The following CCDC7 variants were observed in gnomAD, a reference collection of about 807,000 sequenced individuals.
CCDC7 encodes coiled-coil domain-containing protein 7.
A neutral mutation model predicts 196.9 loss-of-function variants in CCDC7; 183 were observed. The observed-to-expected ratio is 0.93, with a 90% CI of 0.82 to 1.05. CCDC7 has a LOEUF of 1.05. Ranked by LOEUF, CCDC7 falls within the 50% of genes least tolerant of loss-of-function variation. The pLI, the probability that CCDC7 is intolerant of heterozygous loss-of-function variation, is 0.00. For missense variants in CCDC7, 1,540 were observed against 1,482.2 expected (o/e 1.04, Z -0.64); for synonymous variants, 525 against 484.6 (o/e 1.08, Z -1.10).
intron 31 of CCDC7, among the ~76,000 whole-genome samples, chr10:32,815,722 AAG>A (rs1435241431): frequency 6.6e-6 from 1 of 152,252 alleles, no homozygotes; most frequent in African/African-American, 2.4e-5. Context: ...TTGAAAAAGA[AAG>A]AGAAAATGTA....
intron 24 of CCDC7, among the ~76,000 whole-genome samples, chr10:32,699,068 TTTTAC>T (rs2078198863): frequency 6.6e-6 from 1 of 151,544 alleles, no homozygotes; most frequent in East Asian, 2.0e-4. Flanking sequence ...TTTTTTTTTA[TTTTAC>T]TTTAAGTTTT....
chr10:32,453,433 A>C (rs199747692), exon 2 of CCDC7: 1 of 1,526,334 alleles, frequency 6.6e-7, no homozygotes, highest in East Asian at 2.4e-5. Context: ...AATTATCTTT[A>C]TCTGTAAGTA....
chr10:32,711,541 C>T (rs370201350), intron 24 of CCDC7, 79 bp from the exon 26 acceptor site: 1 of 820,300 alleles, frequency 1.2e-6, no homozygotes, highest in Non-Finnish European at 1.9e-6. Flanking sequence ...GTTGCTTCCA[C>T]TTGTTATAAA....
intron 9 of CCDC7, among the ~76,000 whole-genome samples, chr10:32,499,591 CT>C (rs761980746): frequency 7.5e-6 from 1 of 132,950 alleles, no homozygotes; most frequent in African/African-American, 2.6e-5. Flanking sequence ...TTGAATCTTT[CT>C]TTTTTATTTT....
At chr10:32,733,587 AAT>A (rs1424287335) in intron 28 of CCDC7, among the ~76,000 whole-genome samples, 7 of 152,120 alleles carry the variant, frequency 4.6e-5, no homozygotes, top group Non-Finnish European at 1.0e-4. Context: ...CTGTTTAGTC[AAT>A]ATGTCTTTTG....
upstream of CCDC7, among the ~76,000 whole-genome samples, chr10:32,448,677 A>T (rs937448710): frequency 1.3e-5 from 2 of 152,070 alleles, no homozygotes; most frequent in Non-Finnish European, 2.9e-5. Context: ...AAATAAAAAA[A>T]ATCCTATTAT....
chr10:32,756,406 C>T (rs1341906925), intron 28 of CCDC7, among the ~76,000 whole-genome samples: 1 of 152,254 alleles, frequency 6.6e-6, no homozygotes, highest in Non-Finnish European at 1.5e-5. Context: ...AACAGCGGAT[C>T]TCTCCGCAGA....
intron 25 of CCDC7, 74 bp downstream of exon 26, chr10:32,711,804 C>T (rs1223261058): frequency 9.4e-6 from 7 of 746,422 alleles, no homozygotes; most frequent in Non-Finnish European, 1.4e-5. Flanking sequence ...TTGGTTCATA[C>T]TTACGTATTT....
chr10:32,666,916 G>T (rs940486253), intron 21 of CCDC7, among the ~76,000 whole-genome samples: 1 of 152,066 alleles, frequency 6.6e-6, no homozygotes, highest in African/African-American at 2.4e-5. Context: ...GGGTCAAATG[G>T]TATTTCTAGT....
intron 15 of CCDC7, among the ~76,000 whole-genome samples, chr10:32,569,844 A>G (rs566104223): frequency 1.5e-4 from 23 of 152,284 alleles, no homozygotes; most frequent in African/African-American, 5.3e-4. Context: ...TATAGTCTAT[A>G]GTTTGAGAAA....
chr10:32,852,078 A>T, intron 40 of CCDC7, 146 bp downstream of exon 41: 1 of 754,138 alleles, frequency 1.3e-6, no homozygotes, highest in Non-Finnish European at 2.0e-6. Flanking sequence ...TGCACCTAAC[A>T]TTTGTTCATT....
chr10:32,645,907 A>T (rs2067683954), intron 20 of CCDC7, among the ~76,000 whole-genome samples: 2 of 151,742 alleles, frequency 1.3e-5, no homozygotes, highest in South Asian at 4.2e-4. Context: ...CTCTTGTTTT[A>T]GTTATTTGAA....
At chr10:32,739,654 G>GC (rs560150508) in intron 28 of CCDC7, among the ~76,000 whole-genome samples, 2 of 143,172 alleles carry the variant, frequency 1.4e-5, no homozygotes, top group African/African-American at 2.5e-5. Context: ...TTCAGACTAT[G>GC]TTTTTTTTTT....
At chr10:32,626,244 T>C (rs1186842538) in intron 18 of CCDC7, among the ~76,000 whole-genome samples, 1 of 152,110 alleles carries the variant, frequency 6.6e-6, no homozygotes, top group Non-Finnish European at 1.5e-5. Context: ...TTGGTATTTT[T>C]GATAATAGAC....
intron 37 of CCDC7, among the ~76,000 whole-genome samples, chr10:32,847,206 CAAAT>C (rs1007480729): frequency 2.0e-4 from 30 of 151,972 alleles, no homozygotes; most frequent in Non-Finnish European, 3.8e-4. Flanking sequence ...CATCGCTATG[CAAAT>C]AAATAAGGAG....
intron 11 of CCDC7, among the ~76,000 whole-genome samples, chr10:32,521,067 A>T (rs1184574667): frequency 6.6e-6 from 1 of 151,936 alleles, no homozygotes; most frequent in Non-Finnish European, 1.5e-5. Flanking sequence ...CTTCTGTTCC[A>T]TTGGTCTATG....
chr10:32,750,364 C>A (rs1194351522), intron 28 of CCDC7, among the ~76,000 whole-genome samples: 2 of 151,872 alleles, frequency 1.3e-5, no homozygotes, highest in Non-Finnish European at 2.9e-5. Flanking sequence ...GGAGGGGTGT[C>A]CAGCAAAAAC....
intron 28 of CCDC7, among the ~76,000 whole-genome samples, chr10:32,735,996 CTCTT>C (rs1381602848): frequency 6.6e-6 from 1 of 152,050 alleles, no homozygotes; most frequent in African/African-American, 2.4e-5. Flanking sequence ...CTTTTTATCT[CTCTT>C]CTGTTCCAAT....
downstream of CCDC7, among the ~76,000 whole-genome samples, chr10:32,878,895 T>C (rs2094687609): frequency 6.6e-6 from 1 of 152,166 alleles, no homozygotes; most frequent in African/African-American, 2.4e-5. Context: ...TCTGTTTTGG[T>C]ATATAAATTA....
Sources: gnomAD v4.1 joint callset for allele counts (sites outside exome capture counted in the v4.1 genomes callset) on GRCh38, gnomAD v4.1.1 for gene constraint, MANE v1.5 for transcripts, NCBI Gene and HGNC (gene_info 2026-07-23, HGNC 2026-07-21) for gene names.